Variants in TNIK observed in about 807,000 individuals in gnomAD.
The protein encoded by TNIK is TRAF2 and NCK interacting kinase.
A neutral mutation model predicts 191.3 loss-of-function variants in TNIK; 49 were observed. The observed-to-expected ratio is 0.26, with a 90% CI of 0.20 to 0.32. TNIK has a LOEUF of 0.32. TNIK is among the 10% of genes least tolerant of loss of function. TNIK has a pLI of 1.00. For synonymous variants in TNIK, 594 were observed against 600.9 expected (o/e 0.99, Z 0.17); for missense variants, 1,155 against 1,702.3 (o/e 0.68, Z 5.66).
intron 1 of TNIK, among the ~76,000 whole-genome samples, chr3:171,373,187 G>T (rs1278455825): frequency 6.6e-6 from 1 of 152,058 alleles, no homozygotes; most frequent in South Asian, 2.1e-4. Flanking sequence ...TCCCCAAAAG[G>T]TCACCATGAA....
intron 2 of TNIK, chr3:171,347,071 GAGAC>G (rs1712327454): frequency 6.9e-7 from 1 of 1,449,048 alleles, no homozygotes; most frequent in Non-Finnish European, 9.2e-7. Flanking sequence ...AGTGGTGGCA[GAGAC>G]AGAAAACAGA....
rs1393120633 is a variant in TNIK, at chr3:171,062,595, T to C, written c.*1286A>G. 2.6e-5 allele frequency: 4 copies of C among 152,176 alleles called. No individual in the cohort carries two copies. Among genetic ancestry groups the C allele is most frequent in the Non-Finnish European group, 5.9e-5 (4 of 68,028 alleles). 9.4% of individuals were successfully genotyped at this position (152,176 alleles called of 1,614,324 possible). A position where few individuals can be genotyped will look rare whatever the true frequency, so the allele number is the denominator to read the frequency against. On this transcript the variant is annotated 3_prime_UTR_variant, in exon 33 of 33. Coordinates refer to ENST00000436636, the MANE Select transcript of TNIK (RefSeq NM_015028.4). Reference sequence around the variant, plus strand: ...TTCTGCACAAATGTTGTTTACCGTATGTTGGGTAATTTGGAGGAAGGTAAA... The same window carrying C: ...TTCTGCACAAATGTTGTTTACCGTACGTTGGGTAATTTGGAGGAAGGTAAA...
intron 2 of TNIK, among the ~76,000 whole-genome samples, chr3:171,283,909 C>CA (rs564084920): frequency 1.1e-3 from 166 of 152,318 alleles, no homozygotes; most frequent in African/African-American, 3.8e-3. Flanking sequence ...AAAGGTCTTT[C>CA]AGGTGGGTAT....
chr3:171,333,529 G>A (rs1037758281), intron 2 of TNIK, among the ~76,000 whole-genome samples: 6 of 145,782 alleles, frequency 4.1e-5, no homozygotes, highest in Admixed American at 7.0e-5. Flanking sequence ...AGCCAAGATC[G>A]CACCACTGCA....
At chr3:171,241,856 A>T (rs771077035) in intron 2 of TNIK, among the ~76,000 whole-genome samples, 2 of 152,160 alleles carry the variant, frequency 1.3e-5, no homozygotes, top group Admixed American at 1.3e-4. Context: ...GATGAGTTCA[A>T]GTCCTTTGTA....
intron 12 of TNIK, among the ~76,000 whole-genome samples, chr3:171,155,745 T>C (rs1046222653): frequency 6.6e-6 from 1 of 152,198 alleles, no homozygotes; most frequent in East Asian, 1.9e-4. Context: ...TCTGTGCCCT[T>C]GCGCAGAACT....
At chr3:171,336,686 C>T (rs1756983595) in intron 2 of TNIK, among the ~76,000 whole-genome samples, 1 of 152,130 alleles carries the variant, frequency 6.6e-6, no homozygotes, top group Non-Finnish European at 1.5e-5. Flanking sequence ...GAAAAATCTC[C>T]ATCAGCATTT....
At chr3:171,372,721 T>C (rs73173620) in intron 1 of TNIK, among the ~76,000 whole-genome samples, 10,061 of 152,176 alleles carry the variant, frequency 0.066, 411 homozygotes, top group South Asian at 0.16. Context: ...ATGAACGTCA[T>C]CCCTAGCTAC....
chr3:171,120,277 G>A (rs1023473366), intron 18 of TNIK, among the ~76,000 whole-genome samples: 13 of 151,068 alleles, frequency 8.6e-5, no homozygotes, highest in South Asian at 2.1e-4. Flanking sequence ...AAAACTGACC[G>A]TTTTTGCTTA....
At chr3:171,395,185 T>C (rs1050823792) in intron 1 of TNIK, among the ~76,000 whole-genome samples, 7 of 152,148 alleles carry the variant, frequency 4.6e-5, no homozygotes, top group Non-Finnish European at 8.8e-5. Context: ...TAAAAGCTAA[T>C]ATGGCATAAT....
At chr3:171,435,446 G>A (rs1047646353) in intron 1 of TNIK, among the ~76,000 whole-genome samples, 1 of 152,208 alleles carries the variant, frequency 6.6e-6, no homozygotes, top group African/African-American at 2.4e-5. Flanking sequence ...GCCGGGTAGG[G>A]AACCAACAGT....
chr3:171,322,419 C>A (rs559127947), intron 2 of TNIK, among the ~76,000 whole-genome samples: 7 of 152,110 alleles, frequency 4.6e-5, no homozygotes, highest in Non-Finnish European at 1.0e-4. Flanking sequence ...AAATGACACT[C>A]CCAATTTTCA....
intron 2 of TNIK, among the ~76,000 whole-genome samples, chr3:171,309,541 C>A (rs1753800405): frequency 6.6e-6 from 1 of 152,044 alleles, no homozygotes; most frequent in Non-Finnish European, 1.5e-5. Context: ...CACGTGCACC[C>A]CTGAACCAAA....
chr3:171,333,975 C>A (rs970721204), intron 2 of TNIK, among the ~76,000 whole-genome samples: 1 of 152,302 alleles, frequency 6.6e-6, no homozygotes, highest in African/African-American at 2.4e-5. Flanking sequence ...GAGAGCAAGT[C>A]TTCAAGTACC....
intron 2 of TNIK, among the ~76,000 whole-genome samples, chr3:171,233,883 G>A (rs2109010306): frequency 6.6e-6 from 1 of 152,292 alleles, no homozygotes; most frequent in East Asian, 1.9e-4. Context: ...GCCACAGAGT[G>A]TATGGGACCA....
At chr3:171,083,139 C>T (rs1720899446) in intron 26 of TNIK, among the ~76,000 whole-genome samples, 1 of 152,164 alleles carries the variant, frequency 6.6e-6, no homozygotes, top group Non-Finnish European at 1.5e-5. Flanking sequence ...ATCCACCCCT[C>T]AACACACACA....
intron 2 of TNIK, among the ~76,000 whole-genome samples, chr3:171,272,185 T>C (rs1398468166): frequency 6.6e-6 from 1 of 152,212 alleles, no homozygotes; most frequent in East Asian, 1.9e-4. Context: ...AGACTGTCTT[T>C]GACTTTCCCC....
intron 1 of TNIK, among the ~76,000 whole-genome samples, chr3:171,386,323 C>T (rs919189384): frequency 1.3e-5 from 2 of 152,186 alleles, no homozygotes; most frequent in Admixed American, 1.3e-4. Flanking sequence ...CATTCAACCA[C>T]GGCATATCTT....
intron 4 of TNIK, among the ~76,000 whole-genome samples, chr3:171,209,064 GGTGTGTGTGT>G (rs61264225): frequency 2.8e-5 from 4 of 142,012 alleles, no homozygotes; most frequent in Admixed American, 7.1e-5. Flanking sequence ...CTTTGGAAGG[GGTGTGTGTGT>G]GTGTGTGTGT....
Sources: gnomAD v4.1 joint callset for allele counts (sites outside exome capture counted in the v4.1 genomes callset) on GRCh38, gnomAD v4.1.1 for gene constraint, MANE v1.5 for transcripts, NCBI Gene and HGNC (gene_info 2026-07-23, HGNC 2026-07-21) for gene names.